Variants in RSRC2 observed in about 807,000 individuals in gnomAD.
The protein encoded by RSRC2 is arginine and serine rich coiled-coil 2.
Under a neutral mutation model 61.3 loss-of-function variants are expected in RSRC2, and 5 were observed. That is an observed-to-expected ratio of 0.08 (90% CI 0.04 to 0.17). The LOEUF (loss-of-function observed/expected upper bound fraction) is 0.17. RSRC2 is among the 10% of genes least tolerant of loss of function. The pLI, the probability that RSRC2 is intolerant of heterozygous loss-of-function variation, is 1.00. For missense variants in RSRC2, 381 were observed against 518.8 expected, an observed-to-expected ratio of 0.73 and a Z score of 2.58; for synonymous variants, 202 against 166.5, an observed-to-expected ratio of 1.21 and a Z score of -1.64.
chr12:122,510,099 G>A (rs1184315766), intron 7 of RSRC2, among the ~76,000 whole-genome samples: 2 of 152,198 alleles, frequency 1.3e-5, no homozygotes, highest in African/African-American at 4.8e-5. Flanking sequence ...TGGGATTACA[G>A]AAGTGAGTCA....
chr12:122,511,018 C>T, intron 7 of RSRC2, 91 bp downstream of exon 7: 2 of 893,320 alleles, frequency 2.2e-6, no homozygotes, highest in Non-Finnish European at 3.4e-6. Flanking sequence ...CACTGCACTC[C>T]AGTCAGAATG....
At chr12:122,525,818 T>G (rs1290924553) in intron 1 of RSRC2, among the ~76,000 whole-genome samples, 1 of 6,816 alleles carries the variant, frequency 1.5e-4, no homozygotes, top group African/African-American at 2.4e-3. Context: ...TTTTTTTTTT[T>G]TTTTTTTTTT....
chr12:122,515,193 ATCT>A lies in RSRC2; in HGVS notation c.634_636del (p.Arg212del), dbSNP rs1416064053. On this transcript the variant is annotated inframe_deletion, in exon 6 of 10. Transcript: ENST00000331738. Reference sequence around the variant, plus strand: ...GGAGTCCGGCTTAAACTTCTGCTAAATCTTCTCGGCTTTTCAATTCTCTTCTTT... The same window carrying A: ...GGAGTCCGGCTTAAACTTCTGCTAAATCTCGGCTTTTCAATTCTCTTCTTT... 2 of 1,614,124 alleles carry A rather than the reference ATCT, an allele frequency of 1.2e-6. No individual in the cohort carries two copies. Among genetic ancestry groups the A allele is most frequent in the South Asian group, 1.1e-5 (1 of 91,074 alleles).
At chr12:122,506,668 T>C (rs1810311559) in intron 9 of RSRC2, 166 bp downstream of exon 9, 1 of 600,566 alleles carries the variant, frequency 1.7e-6, no homozygotes, top group Non-Finnish European at 3.0e-6. Flanking sequence ...GTAGGGGAGA[T>C]GGAAATGTTT....
chr12:122,508,296 G>A lies in RSRC2; in HGVS notation c.957C>T (p.Asn319=), dbSNP rs548970989. Residue 319 remains asparagine, a synonymous_variant, in exon 8 of 10, where the codon AAC becomes AAT. Coordinates refer to ENST00000331738, the MANE Select transcript of RSRC2 (RefSeq NM_023012.6). ...ETGIAVPSYY[N]PAAVNPMKFA... ...ATTTCATTGGATTAACAGCGGCTGG[G>A]TTATAGTAGCTAGGAACAGCTATTC... The A allele has an allele frequency of 9.3e-5, 150 of 1,614,060 alleles. No individual in the cohort carries two copies. The highest frequency in any genetic ancestry group is 1.2e-4 in the Non-Finnish European group (140 of 1,180,016).
At chr12:122,514,191 T>C (rs1276878845) in intron 6 of RSRC2, among the ~76,000 whole-genome samples, 1 of 152,150 alleles carries the variant, frequency 6.6e-6, no homozygotes, top group East Asian at 1.9e-4. Flanking sequence ...TTTCAATATA[T>C]AGTCGTGCTG....
At chr12:122,506,706 A>G in intron 9 of RSRC2, 128 bp downstream of exon 9, 1 of 666,614 alleles carries the variant, frequency 1.5e-6, no homozygotes, top group Admixed American at 2.4e-5. Flanking sequence ...TTATTTCACA[A>G]AAGGTGGTGG....
rs536906378 is a variant in RSRC2, at chr12:122,503,798, C to T, written c.*1729G>A. 6.6e-6 allele frequency: 1 copy of T among 152,246 alleles called. No homozygotes were observed. The highest frequency in any genetic ancestry group is 6.5e-5 in the Admixed American group (1 of 15,282). The allele number at this position is 152,246 out of a possible 1,614,324, so 9.4% of individuals were successfully genotyped here. A position where few individuals can be genotyped will look rare whatever the true frequency, so the allele number is the denominator to read the frequency against. On this transcript the variant is annotated 3_prime_UTR_variant, in exon 10 of 10. Coordinates refer to ENST00000331738, the MANE Select transcript of RSRC2 (RefSeq NM_023012.6). ...TAAAGTACATTAAAAATCTTACAAT[C>T]TGGCTAGGTGAAGTGGATCACACCT... is the stretch of plus-strand genomic sequence containing the variant.
At chr12:122,518,782 T>G in intron 4 of RSRC2, 57 bp downstream of exon 4, 107 of 1,370,636 alleles carry the variant, frequency 7.8e-5, no homozygotes, top group Non-Finnish European at 1.0e-4. Flanking sequence ...GCTGGGTCAA[T>G]GAGAAACTTT....
chr12:122,523,456 A>C (rs1959543557), intron 1 of RSRC2: 1 of 152,206 alleles, frequency 6.6e-6, no homozygotes, highest in Admixed American at 6.5e-5. Context: ...GCAGACGTTG[A>C]AGTGAGCTAA....
rs1958256060 is a variant in RSRC2, at chr12:122,508,204, A to G, written c.1035+14T>C. 1 of 1,601,946 alleles carries G rather than the reference A, an allele frequency of 6.2e-7. No individual in the cohort carries two copies. The highest frequency in any genetic ancestry group is 1.3e-5 in the African/African-American group (1 of 74,684). ...TAGGAATAAACGACAGAAAAGCAGAATAAGAGAACTTACCCCTTCTTTCTT... is the reference window on the plus strand; with the variant it reads ...TAGGAATAAACGACAGAAAAGCAGAGTAAGAGAACTTACCCCTTCTTTCTT... On this transcript the variant is annotated intron_variant, in intron 8 of 9. Transcript: ENST00000331738.
chr12:122,511,916 C>T (rs1207241303), intron 6 of RSRC2, among the ~76,000 whole-genome samples: 1 of 152,212 alleles, frequency 6.6e-6, no homozygotes, highest in Non-Finnish European at 1.5e-5. Context: ...AAGCGATTCT[C>T]CTGCCTCAGC....
chr12:122,517,266 T>A lies in RSRC2; in HGVS notation c.563A>T (p.His188Leu), dbSNP rs984109452. 3 of 1,614,156 alleles carry A rather than the reference T, an allele frequency of 1.9e-6. No individual in the cohort carries two copies. The highest frequency in any genetic ancestry group is 1.7e-6 in the Non-Finnish European group (2 of 1,180,038). ...SRSRSRSRHR[H>L]RTRSRSRTRS... ...TGTCCTACTCCTGCTTCTAGTCCTA[T>A]GCCTGTGTCTTGATCTTGAGCGGGA... The change falls in exon 5 of 10, where the codon CAT becomes CTT. Residue 188 changes from histidine (H) to leucine (L), a missense_variant. This residue lies in a region of RSRC2 where 266 missense variants were observed against 270.5 expected (regional missense o/e 0.98). Coordinates refer to ENST00000331738, the MANE Select transcript of RSRC2 (RefSeq NM_023012.6).
intron 6 of RSRC2, among the ~76,000 whole-genome samples, chr12:122,511,831 C>T (rs1057245163): frequency 5.3e-5 from 8 of 151,718 alleles, no homozygotes; most frequent in Non-Finnish European, 8.8e-5. Context: ...TTTTTTGAGA[C>T]AGTCTCACTC....
At chr12:122,507,705 G>T (rs929409424) in intron 8 of RSRC2, among the ~76,000 whole-genome samples, 1 of 138,746 alleles carries the variant, frequency 7.2e-6, no homozygotes, top group African/African-American at 2.7e-5. Flanking sequence ...CCAGGCTGAA[G>T]TGCAGTGGCG....
intron 3 of RSRC2, chr12:122,519,240 A>C: frequency 2.0e-6 from 1 of 504,406 alleles, no homozygotes; most frequent in Non-Finnish European, 3.5e-6. Context: ...GTTCCTCCCC[A>C]AAATATTTTC....
At chr12:122,526,817 C>T (rs1168490555) in intron 1 of RSRC2, 31 bp downstream of exon 1, 3 of 1,613,690 alleles carry the variant, frequency 1.9e-6, no homozygotes, top group African/African-American at 1.3e-5. Context: ...AGAAAAATAT[C>T]CCTGGCTTTA....
rs760510316 is a variant in RSRC2 at position 122,520,519 on chromosome 12, G to A, written c.207+866C>T. ...TAATAGTTACCTTATCATGAAGTAG[G>A]CTTATTATTTTGCTATCTGAGTCTG... On this transcript the variant is annotated intron_variant, in intron 3 of 9. Coordinates refer to ENST00000331738, the MANE Select transcript of RSRC2 (RefSeq NM_023012.6). 3.7e-6 allele frequency: 5 copies of A among 1,365,340 alleles called. No individual in the cohort carries two copies. In the Admixed American group the frequency reaches 5.7e-5, roughly 16 times the overall value. 84.6% of individuals were successfully genotyped at this position (1,365,340 alleles called of 1,614,324 possible). A position where few individuals can be genotyped will look rare whatever the true frequency, so the allele number is the denominator to read the frequency against.
intron 1 of RSRC2, chr12:122,526,400 T>C: frequency 1.2e-5 from 2 of 169,722 alleles, no homozygotes; most frequent in South Asian, 2.9e-4. Flanking sequence ...TAGCTACAAG[T>C]CGCTCTCTTC....
Sources: allele counts gnomAD v4.1 joint callset (sites outside exome capture counted in the v4.1 genomes callset), GRCh38; gene constraint gnomAD v4.1.1; regional missense constraint gnomAD v4.1.1; transcripts MANE v1.5; gene names NCBI Gene and HGNC (gene_info 2026-07-23, HGNC 2026-07-21).